CLNK: variants seen among roughly 807,000 people sequenced by gnomAD.
The protein encoded by CLNK is cytokine-dependent hematopoietic cell linker.
Under a neutral mutation model 68.6 loss-of-function variants are expected in CLNK, and 74 were observed. The ratio of observed to expected loss-of-function variants is 1.08; its 90% confidence interval spans 0.89 to 1.31. The LOEUF (loss-of-function observed/expected upper bound fraction) is 1.31. Among genes scored for constraint, CLNK ranks in the 50% most tolerant of loss-of-function variants. The probability of loss-of-function intolerance (pLI) is 0.00; values close to 1 mark genes in which losing one functional copy is unlikely to be tolerated. For missense variants in CLNK, 553 were observed against 515.3 expected, an observed-to-expected ratio of 1.07 and a Z score of -0.71; for synonymous variants, 198 against 172.2, an observed-to-expected ratio of 1.15 and a Z score of -1.17.
chr4:10,541,692 A>T (rs1941333380), intron 10 of CLNK, among the ~76,000 whole-genome samples: 1 of 152,136 alleles, frequency 6.6e-6, no homozygotes, highest in South Asian at 2.1e-4. Context: ...CCAGAAGTAT[A>T]CGCAGCAATA....
At chr4:10,537,654 T>C (rs1176437573) in intron 11 of CLNK, among the ~76,000 whole-genome samples, 302 of 50,184 alleles carry the variant, frequency 6.0e-3, no homozygotes, top group Admixed American at 0.033. Context: ...TTTCTTTCTT[T>C]CTTTCTTTCT....
intron 2 of CLNK, among the ~76,000 whole-genome samples, chr4:10,666,118 C>G (rs1724388114): frequency 6.6e-6 from 1 of 152,176 alleles, no homozygotes; most frequent in Non-Finnish European, 1.5e-5. Context: ...AGCCAGGAGC[C>G]TCTGGGAGCT....
At chr4:10,605,566 C>A (rs1721756319) in intron 2 of CLNK, among the ~76,000 whole-genome samples, 1 of 151,978 alleles carries the variant, frequency 6.6e-6, no homozygotes, top group Non-Finnish European at 1.5e-5. Context: ...GTGGCTCACA[C>A]CTGTAATCCC....
At chr4:10,654,853 AG>A (rs1723899838) in intron 2 of CLNK, among the ~76,000 whole-genome samples, 1 of 152,132 alleles carries the variant, frequency 6.6e-6, no homozygotes, top group Admixed American at 6.5e-5. Context: ...CTGTAATCCC[AG>A]CGCTTTGGGA....
intron 8 of CLNK, among the ~76,000 whole-genome samples, chr4:10,545,533 C>A (rs1344754224): frequency 6.6e-6 from 1 of 152,122 alleles, no homozygotes; most frequent in African/African-American, 2.4e-5. Flanking sequence ...GCAATGCACA[C>A]CAGTAGCTGT....
rs927436364 is a variant in CLNK, at chr4:10,585,542, G to T, written c.84-587C>A. 4.6e-5 allele frequency among the ~76,000 whole-genome samples: 7 copies of T among 152,308 alleles called. No homozygotes were observed. In the East Asian group the frequency reaches 7.7e-4, roughly 17 times the overall value. ...TCCATAAACCTTCTTTCACCACGTG[G>T]CTGCACCGGAGTCTCAGCCTCCTCT... On this transcript the variant is annotated intron_variant, in intron 3 of 18. Coordinates refer to ENST00000226951, the MANE Select transcript of CLNK (RefSeq NM_052964.4).
chr4:10,725,257 T>C, the CLNK span, among the ~76,000 whole-genome samples: 143,440 of 152,118 alleles, frequency 0.94, 67,752 homozygotes, highest in East Asian at 1. Context: ...CTTTCCACTC[T>C]GCCAGGGTCC....
upstream of CLNK, among the ~76,000 whole-genome samples, chr4:10,687,882 A>T (rs1055163463): frequency 2.6e-5 from 4 of 152,064 alleles, no homozygotes; most frequent in African/African-American, 9.7e-5. Flanking sequence ...TCCCTCTTGC[A>T]TAGTTTATTG....
At chr4:10,677,374 G>A (rs1724915882) in intron 1 of CLNK, among the ~76,000 whole-genome samples, 1 of 152,102 alleles carries the variant, frequency 6.6e-6, no homozygotes. Context: ...AGGAGAGCCT[G>A]AAAAATTTGT....
At chr4:10,583,193 G>A (rs1720845798) in intron 4 of CLNK, among the ~76,000 whole-genome samples, 2 of 152,170 alleles carry the variant, frequency 1.3e-5, no homozygotes, top group South Asian at 4.1e-4. Flanking sequence ...TTCTTTGGTA[G>A]ACATTTGTAG....
intron 11 of CLNK, among the ~76,000 whole-genome samples, chr4:10,537,619 C>T (rs752739195): frequency 9.9e-5 from 14 of 141,512 alleles, no homozygotes; most frequent in South Asian, 9.4e-4. Context: ...CTTTCTCTCT[C>T]TCTTTCTTTC....
chr4:10,556,351 T>C (rs1049243255), intron 8 of CLNK, among the ~76,000 whole-genome samples: 93 of 152,358 alleles, frequency 6.1e-4, no homozygotes, highest in African/African-American at 1.9e-3. Flanking sequence ...TCTTACATTT[T>C]ATCTTTATTT....
chr4:10,564,836 T>C, intron 6 of CLNK, 59 bp from the exon 7 acceptor site: 1 of 1,029,880 alleles, frequency 9.7e-7, no homozygotes, highest in Non-Finnish European at 1.5e-6. Flanking sequence ...CATTACAATT[T>C]ACAAAGTATT....
intron 2 of CLNK, among the ~76,000 whole-genome samples, chr4:10,623,167 G>A (rs1722528760): frequency 6.6e-6 from 1 of 152,140 alleles, no homozygotes; most frequent in Admixed American, 6.5e-5. Flanking sequence ...CAGAAAATGA[G>A]TCTCCCATTA....
intron 8 of CLNK, among the ~76,000 whole-genome samples, chr4:10,557,591 A>G (rs909086291): frequency 6.6e-6 from 1 of 152,182 alleles, no homozygotes; most frequent in African/African-American, 2.4e-5. Context: ...TTCTTGTGCC[A>G]TTCTTTGTTC....
intron 7 of CLNK, among the ~76,000 whole-genome samples, chr4:10,563,718 C>G (rs1719987328): frequency 6.6e-6 from 1 of 152,086 alleles, no homozygotes; most frequent in Non-Finnish European, 1.5e-5. Context: ...ACCAGCCTGA[C>G]CAACATGGTG....
intron 2 of CLNK, among the ~76,000 whole-genome samples, chr4:10,644,715 A>G (rs1298793226): frequency 2.6e-5 from 4 of 152,224 alleles, no homozygotes; most frequent in Non-Finnish European, 5.9e-5. Context: ...TAAAAATCAA[A>G]TTTTAAAACA....
the CLNK span, among the ~76,000 whole-genome samples, chr4:10,699,482 C>A: frequency 5.6e-5 from 4 of 71,822 alleles, no homozygotes; most frequent in Admixed American, 1.5e-4. Context: ...CTCTCTCTCT[C>A]TCTCTCTCTC....
intron 6 of CLNK, among the ~76,000 whole-genome samples, chr4:10,565,130 A>C (rs1373682479): frequency 6.6e-6 from 1 of 152,108 alleles, no homozygotes; most frequent in Non-Finnish European, 1.5e-5. Flanking sequence ...TTACACACTT[A>C]GCATATTCTA....
Sources: allele counts gnomAD v4.1 joint callset (sites outside exome capture counted in the v4.1 genomes callset), GRCh38; gene constraint gnomAD v4.1.1; transcripts MANE v1.5; gene names NCBI Gene and HGNC (gene_info 2026-07-23, HGNC 2026-07-21).